Variants in ABL1 observed in about 807,000 individuals in gnomAD.
ABL1 encodes ABL proto-oncogene 1, non-receptor tyrosine kinase.
ABL1 carries 11 observed loss-of-function variants against 94.7 expected under a neutral mutation model. That is an observed-to-expected ratio of 0.12 (90% CI 0.07 to 0.19). ABL1 has a LOEUF of 0.19. Ranked by LOEUF, ABL1 falls within the 10% of genes least tolerant of loss-of-function variation. ABL1 has a pLI of 1.00. For missense variants in ABL1, 1,082 were observed against 1,489.4 expected (o/e 0.73, Z 4.50); for synonymous variants, 656 against 622.4 (o/e 1.05, Z -0.80).
At chr9:130,735,040 GT>G (rs1044968681) in intron 1 of ABL1, among the ~76,000 whole-genome samples, 2 of 151,516 alleles carry the variant, frequency 1.3e-5, no homozygotes, top group Non-Finnish European at 2.9e-5. Flanking sequence ...TTTTTGTTGT[GT>G]TTTTTTGAGA....
chr9:130,828,463 A>G (rs929662682), intron 1 of ABL1, among the ~76,000 whole-genome samples: 1 of 152,246 alleles, frequency 6.6e-6, no homozygotes, highest in Non-Finnish European at 1.5e-5. Flanking sequence ...GGTTGGTACA[A>G]AAGTAATTGG....
chr9:130,873,696 C>T (rs1017471205), intron 6 of ABL1, among the ~76,000 whole-genome samples: 5 of 152,322 alleles, frequency 3.3e-5, no homozygotes, highest in African/African-American at 1.2e-4. Context: ...TCTTCAAATT[C>T]TTTGCTGGTG....
chr9:130,885,230 C>T lies in ABL1; in HGVS notation c.2940C>T (p.Pro980=), dbSNP rs11558834. ...CGGGGACCCCCATCAGCCCAGCCCC[C>T]GTTCCCTCCACGTTGCCATCAGCAT... The part of the protein sequence containing the change: ...KPSGTPISPA[P]VPSTLPSASS... Residue 980 remains proline, a synonymous_variant, in exon 11 of 11, where the codon CCC becomes CCT. Coordinates refer to ENST00000318560, the MANE Select transcript of ABL1 (RefSeq NM_005157.6). The T allele has an allele frequency of 0.032, 51,514 of 1,613,808 alleles. 1,084 individuals carry two copies. The highest frequency in any genetic ancestry group is 0.087 in the African/African-American group (6,536 of 75,034).
intron 1 of ABL1, among the ~76,000 whole-genome samples, chr9:130,739,361 G>C (rs557351599): frequency 1.3e-5 from 2 of 150,656 alleles, no homozygotes; most frequent in South Asian, 4.2e-4. Context: ...AGTCCTTCCT[G>C]ATTTTTTTTT....
chr9:130,874,716 C>G, intron 6 of ABL1, 152 bp from the exon 7 acceptor site: 1 of 791,486 alleles, frequency 1.3e-6, no homozygotes, highest in Non-Finnish European at 2.0e-6. Context: ...GAGGCTGGCA[C>G]TGTGTTAATT....
intron 1 of ABL1, among the ~76,000 whole-genome samples, chr9:130,732,754 G>A (rs1261164918): frequency 6.7e-6 from 1 of 149,226 alleles, no homozygotes; most frequent in African/African-American, 2.5e-5. Context: ...ATGTATATGG[G>A]AAGCTAACAT....
At chr9:130,728,832 G>T (rs1831625653) in intron 1 of ABL1, among the ~76,000 whole-genome samples, 1 of 151,986 alleles carries the variant, frequency 6.6e-6, no homozygotes, top group African/African-American at 2.4e-5. Flanking sequence ...TCATCTTGGG[G>T]TCTGTTTTTA....
chr9:130,872,124 T>C lies in ABL1; in HGVS notation c.823-5T>C. On this transcript the variant is annotated splice_region_variant and splice_polypyrimidine_tract_variant and intron_variant, in intron 4 of 10. Coordinates refer to ENST00000318560, the MANE Select transcript of ABL1 (RefSeq NM_005157.6). This position sits in a 1 kb window ranked among gnomAD's most constrained non-coding sequence, Gnocchi z 5.0. ...AATTTCACCTTCGTTTTTTTCCTTC[T>C]GCAGGAGGACACCATGGAGGTGGAA... 1 of 1,613,888 alleles carries C rather than the reference T, an allele frequency of 6.2e-7. No homozygotes were observed. The highest frequency in any genetic ancestry group is 8.5e-7 in the Non-Finnish European group (1 of 1,179,782).
intron 1 of ABL1, among the ~76,000 whole-genome samples, chr9:130,808,525 T>C (rs1490144059): frequency 6.6e-6 from 1 of 152,208 alleles, no homozygotes; most frequent in East Asian, 1.9e-4. Flanking sequence ...ATTACAGGCA[T>C]GAGCCATCGC....
chr9:130,724,877 G>T, intron 1 of ABL1: 1 of 442,630 alleles, frequency 2.3e-6, no homozygotes, highest in Non-Finnish European at 4.5e-6. Context: ...CAGTCCCTGT[G>T]GCCTTTAGTC....
At chr9:130,843,040 G>T (rs1263405666) in intron 1 of ABL1, among the ~76,000 whole-genome samples, 1 of 152,154 alleles carries the variant, frequency 6.6e-6, no homozygotes, top group Non-Finnish European at 1.5e-5. Context: ...TCCTGGTCAG[G>T]TTGCATTTGT....
intron 1 of ABL1, among the ~76,000 whole-genome samples, chr9:130,785,526 C>A (rs553764387): frequency 9.2e-5 from 14 of 152,240 alleles, no homozygotes; most frequent in Admixed American, 9.2e-4. Flanking sequence ...ACTCTACCTG[C>A]CCTTTTTAAG....
chr9:130,767,393 G>GAC (rs200336126), intron 1 of ABL1, among the ~76,000 whole-genome samples: 11,560 of 152,230 alleles, frequency 0.076, 685 homozygotes, highest in African/African-American at 0.17. Context: ...GGACTGCAGT[G>GAC]ACAATCTCTG....
rs1182081112 is a variant in ABL1 at position 130,730,065 on chromosome 9, T to C, written c.136+15610T>C. Among the ~76,000 whole-genome samples the C allele has an allele frequency of 2.4e-3, 270 of 111,130 alleles. 2 individuals are homozygous for C. The highest frequency in any genetic ancestry group is 3.6e-3 in the Non-Finnish European group (201 of 56,014). 72.9% of individuals were successfully genotyped at this position (111,130 alleles called of 152,430 possible). ...GCCAGACTTTTTTTTTTTTTTGAGATGGAATTCTGCTCTTGTTGCCCACGC... is the reference window on the plus strand; with the variant it reads ...GCCAGACTTTTTTTTTTTTTTGAGACGGAATTCTGCTCTTGTTGCCCACGC... On this transcript the variant is annotated intron_variant, in intron 1 of 10. Coordinates refer to the ABL1 transcript ENST00000372348.
At chr9:130,864,903 T>C (rs1050548123) in intron 4 of ABL1, among the ~76,000 whole-genome samples, 3 of 152,172 alleles carry the variant, frequency 2.0e-5, no homozygotes, top group African/African-American at 7.2e-5. Flanking sequence ...AAGCGCAAAA[T>C]ACCCTAGATT....
rs578120683 is a variant in ABL1, at chr9:130,863,930, A to G, written c.822+895A>G. On this transcript the variant is annotated intron_variant, in intron 4 of 10. Transcript: ENST00000318560. This position sits in a 1 kb window ranked among gnomAD's most constrained non-coding sequence, Gnocchi z 4.3. ...TGAAACATCCACCTCTGGGAAAAATAGAGTTTAGTTTGTGCATGTGTCTCA... is the reference window on the plus strand; with the variant it reads ...TGAAACATCCACCTCTGGGAAAAATGGAGTTTAGTTTGTGCATGTGTCTCA... Among the ~76,000 whole-genome samples the G allele has an allele frequency of 5.3e-4, 80 of 152,312 alleles. No homozygotes were observed. In the Middle Eastern group the frequency reaches 0.01, roughly 19 times the overall value.
At chr9:130,832,280 G>A (rs1400443977), upstream of ABL1, among the ~76,000 whole-genome samples, 4 of 148,884 alleles carry the variant, frequency 2.7e-5, no homozygotes, top group Non-Finnish European at 3.0e-5. Flanking sequence ...CCGCTACCAC[G>A]CCCAGCTAAT....
intron 1 of ABL1, among the ~76,000 whole-genome samples, chr9:130,776,906 A>C (rs1829666087): frequency 6.6e-6 from 1 of 151,994 alleles, no homozygotes. Context: ...TACTCTTATT[A>C]ATTTAATGCT....
intron 1 of ABL1, among the ~76,000 whole-genome samples, chr9:130,769,977 T>A (rs936479202): frequency 6.6e-6 from 1 of 152,180 alleles, no homozygotes; most frequent in Non-Finnish European, 1.5e-5. Context: ...TCATTCAATA[T>A]AATGGGTGAG....
Sources: allele counts gnomAD v4.1 joint callset (sites outside exome capture counted in the v4.1 genomes callset), GRCh38; gene constraint gnomAD v4.1.1; non-coding constraint Gnocchi (gnomAD v3.1); transcripts MANE v1.5; gene names NCBI Gene and HGNC (gene_info 2026-07-23, HGNC 2026-07-21).